PTPRD: variants seen among roughly 807,000 people sequenced by gnomAD.
The protein encoded by PTPRD is protein tyrosine phosphatase receptor type D.
Under a neutral mutation model 214.5 loss-of-function variants are expected in PTPRD, and 34 were observed. The ratio of observed to expected loss-of-function variants is 0.16; its 90% CI spans 0.12 to 0.21. The LOEUF is 0.21. Among genes scored for constraint, PTPRD ranks in the 10% least tolerant of loss-of-function variants. The pLI is 1.00. For synonymous variants in PTPRD, 1,128 were observed against 845.7 expected, an observed-to-expected ratio of 1.33 and a Z score of -5.79; for missense variants, 2,545 against 2,398.7, an observed-to-expected ratio of 1.06 and a Z score of -1.27.
In PTPRD at chr9:8,667,995, A is replaced by T. The variant is rs144548746; in HGVS notation, c.65-31151T>A. Reference sequence around the variant, plus strand: ...AACTAAGAAGAAATAAAATATACAGATCACTAATTAGAAAATAAACTATAA... The same window carrying T: ...AACTAAGAAGAAATAAAATATACAGTTCACTAATTAGAAAATAAACTATAA... On this transcript the variant is annotated intron_variant, in intron 12 of 45. Transcript: ENST00000381196. Among the ~76,000 whole-genome samples, 35 of 152,294 alleles carry T rather than the reference A, an allele frequency of 2.3e-4. No individual in the cohort carries two copies. In the East Asian group the frequency reaches 6.6e-3, roughly 29 times the overall value.
chr9:9,981,188 A>G (rs921929690), intron 4 of PTPRD, among the ~76,000 whole-genome samples: 1 of 152,186 alleles, frequency 6.6e-6, no homozygotes, highest in African/African-American at 2.4e-5. Context: ...GTGGATGTAT[A>G]CTATGGAAAA....
chr9:10,391,547 G>T (rs540787517), intron 2 of PTPRD, among the ~76,000 whole-genome samples: 1 of 151,818 alleles, frequency 6.6e-6, no homozygotes, highest in Admixed American at 6.6e-5. Context: ...AGATATGAAT[G>T]CCTGTATAGT....
At chr9:9,929,828 A>G (rs992747385) in intron 5 of PTPRD, among the ~76,000 whole-genome samples, 1 of 129,786 alleles carries the variant, frequency 7.7e-6, no homozygotes, top group Non-Finnish European at 1.6e-5. Flanking sequence ...TACTTGTACT[A>G]CATCATGTTC....
intron 11 of PTPRD, among the ~76,000 whole-genome samples, chr9:8,782,418 A>G (rs1248463116): frequency 6.6e-6 from 1 of 152,148 alleles, no homozygotes; most frequent in Non-Finnish European, 1.5e-5. Context: ...CTGTGTCACC[A>G]TGTTGTGCAA....
intron 10 of PTPRD, among the ~76,000 whole-genome samples, chr9:9,089,013 T>C (rs1004612066): frequency 6.6e-6 from 1 of 152,208 alleles, no homozygotes; most frequent in Non-Finnish European, 1.5e-5. Flanking sequence ...CAAGGGTTTT[T>C]CACTCAACAT....
chr9:10,339,058 A>C (rs978120850), intron 3 of PTPRD, among the ~76,000 whole-genome samples: 3 of 151,790 alleles, frequency 2.0e-5, no homozygotes, highest in African/African-American at 7.2e-5. Context: ...GACAATAAGC[A>C]GCAGAGTATC....
chr9:9,237,171 T>C (rs895142023), intron 9 of PTPRD, among the ~76,000 whole-genome samples: 1 of 152,202 alleles, frequency 6.6e-6, no homozygotes, highest in Non-Finnish European at 1.5e-5. Flanking sequence ...GGAAACCTGA[T>C]TCCTGATAGG....
intron 5 of PTPRD, among the ~76,000 whole-genome samples, chr9:9,782,327 A>G (rs1415439051): frequency 6.6e-6 from 1 of 152,170 alleles, no homozygotes; most frequent in Non-Finnish European, 1.5e-5. Context: ...CGATGAGATT[A>G]AGATTTTCTA....
chr9:9,204,363 A>G (rs140182875), intron 9 of PTPRD, among the ~76,000 whole-genome samples: 26 of 152,270 alleles, frequency 1.7e-4, no homozygotes, highest in Non-Finnish European at 3.2e-4. Context: ...CTTACTTATC[A>G]TCACAAAATC....
At chr9:10,027,008 T>C (rs2096935788) in intron 4 of PTPRD, among the ~76,000 whole-genome samples, 1 of 152,138 alleles carries the variant, frequency 6.6e-6, no homozygotes, top group Non-Finnish European at 1.5e-5. Flanking sequence ...GAATGTATTG[T>C]CTGCAATAAT....
At chr9:9,542,914 T>C (rs897087381) in intron 8 of PTPRD, among the ~76,000 whole-genome samples, 1 of 151,732 alleles carries the variant, frequency 6.6e-6, no homozygotes, top group Non-Finnish European at 1.5e-5. Context: ...GCTTGCCACT[T>C]CGTTATAAAG....
chr9:10,090,388 C>A (rs1283205957), intron 3 of PTPRD, among the ~76,000 whole-genome samples: 1 of 151,324 alleles, frequency 6.6e-6, no homozygotes, highest in African/African-American at 2.4e-5. Context: ...ATTCAGGTCT[C>A]AAACACTGCA....
intron 3 of PTPRD, among the ~76,000 whole-genome samples, chr9:10,074,893 C>T (rs2098107391): frequency 6.6e-6 from 1 of 152,078 alleles, no homozygotes; most frequent in Non-Finnish European, 1.5e-5. Flanking sequence ...CTTCCCTAAA[C>T]CTCTTTATGA....
intron 9 of PTPRD, among the ~76,000 whole-genome samples, chr9:9,245,637 G>T (rs1034768061): frequency 4.6e-5 from 7 of 151,926 alleles, no homozygotes; most frequent in Non-Finnish European, 1.0e-4. Context: ...GGGGATGGGG[G>T]AGGGATAGCA....
At chr9:9,616,986 T>C (rs1396448278) in intron 7 of PTPRD, among the ~76,000 whole-genome samples, 1 of 152,164 alleles carries the variant, frequency 6.6e-6, no homozygotes, top group Non-Finnish European at 1.5e-5. Flanking sequence ...GGCTAACTCT[T>C]AAAATTCCTT....
Position 8,465,049 on chromosome 9 carries a change from G to A in PTPRD, c.3714+417C>T, listed in dbSNP as rs1322231368. Among the ~76,000 whole-genome samples, 8 of 151,996 alleles carry A rather than the reference G, an allele frequency of 5.3e-5. No individual in the cohort carries two copies. In the East Asian group the frequency reaches 1.6e-3, roughly 30 times the overall value. Reference sequence around the variant, plus strand: ...TGCCATGTTGAATGGCCAAGCTTGTGAGTTCCCATTGCAATCACAGGGGCT... The same window carrying A: ...TGCCATGTTGAATGGCCAAGCTTGTAAGTTCCCATTGCAATCACAGGGGCT... On this transcript the variant is annotated intron_variant, in intron 32 of 45. Coordinates refer to ENST00000381196, the MANE Select transcript of PTPRD (RefSeq NM_002839.4).
intron 11 of PTPRD, among the ~76,000 whole-genome samples, chr9:8,987,059 T>G (rs1489032507): frequency 6.6e-6 from 1 of 152,128 alleles, no homozygotes; most frequent in Non-Finnish European, 1.5e-5. Flanking sequence ...AACACATGTC[T>G]CTTAGAAGGT....
At chr9:10,385,423 C>T (rs1372732030) in intron 2 of PTPRD, among the ~76,000 whole-genome samples, 2 of 151,724 alleles carry the variant, frequency 1.3e-5, no homozygotes, top group East Asian at 1.9e-4. Flanking sequence ...TATAACATAT[C>T]TCATTCATTT....
chr9:8,954,630 G>A (rs2099121650), intron 11 of PTPRD, among the ~76,000 whole-genome samples: 1 of 151,814 alleles, frequency 6.6e-6, no homozygotes, highest in Non-Finnish European at 1.5e-5. Context: ...GTGGAGAGCT[G>A]TTCCAATGAG....
Sources: gnomAD v4.1 joint callset for allele counts (sites outside exome capture counted in the v4.1 genomes callset) on GRCh38, gnomAD v4.1.1 for gene constraint, MANE v1.5 for transcripts, NCBI Gene and HGNC (gene_info 2026-07-23, HGNC 2026-07-21) for gene names.